AGMO: variants seen among roughly 807,000 people sequenced by gnomAD.
The protein encoded by AGMO is glyceryl-ether monooxygenase.
A neutral mutation model predicts 60.2 loss-of-function variants in AGMO; 75 were observed. The ratio of observed to expected loss-of-function variants is 1.25; its 90% confidence interval spans 1.03 to 1.51. The LOEUF is 1.51. Among genes scored for constraint, AGMO ranks in the 40% most tolerant of loss-of-function variants. The probability of loss-of-function intolerance (pLI) is 0.00; values close to 1 mark genes in which losing one functional copy is unlikely to be tolerated. For missense variants in AGMO, 763 were observed against 525.5 expected, an observed-to-expected ratio of 1.45 and a Z score of -4.42; for synonymous variants, 261 against 177.1, an observed-to-expected ratio of 1.47 and a Z score of -3.76.
At chr7:15,460,106 C>CTTTTTTTTTTTTTTTTTTTTTTT (rs67388173) in intron 3 of AGMO, among the ~76,000 whole-genome samples, 1 of 121,704 alleles carries the variant, frequency 8.2e-6, no homozygotes. Context: ...CCAATTTCCC[C>CTTTTTTTTTTTTTTTTTTTTTTT]TTTTTTTTTT....
the AGMO span, among the ~76,000 whole-genome samples, chr7:15,126,587 G>A: frequency 1.3e-5 from 2 of 152,078 alleles, no homozygotes; most frequent in Non-Finnish European, 2.9e-5. Context: ...GGTCTGGGGA[G>A]TCATGCCCTA....
chr7:15,322,481 TATATAAATATATATAA>T (rs1781145264), intron 12 of AGMO, among the ~76,000 whole-genome samples: 1 of 94,756 alleles, frequency 1.1e-5, no homozygotes, highest in East Asian at 2.7e-4. Context: ...TATAAATATA[TATATAAATATATATAA>T]ATATATAAAT....
At chr7:15,194,485 T>TC in the AGMO span, among the ~76,000 whole-genome samples, 1 of 152,046 alleles carries the variant, frequency 6.6e-6, no homozygotes, top group African/African-American at 2.4e-5. Context: ...GTGTTAGATC[T>TC]CCCCTTTGAG....
At chr7:15,235,840 CA>C (rs1563048278) in intron 12 of AGMO, among the ~76,000 whole-genome samples, 1 of 152,112 alleles carries the variant, frequency 6.6e-6, no homozygotes, top group East Asian at 1.9e-4. Context: ...CAAATGTAAG[CA>C]AGCTAATGTT....
In AGMO at chr7:15,345,295, A is replaced by T. The variant is rs189785312; in HGVS notation, c.1263+20219T>A. On this transcript the variant is annotated intron_variant, in intron 12 of 12. Transcript: ENST00000342526. Reference sequence around the variant, plus strand: ...CCATTTTATGGAACACTCCAGCCATAAGGAACGATTTTCAGTTCCCCAACA... The same window carrying T: ...CCATTTTATGGAACACTCCAGCCATTAGGAACGATTTTCAGTTCCCCAACA... Among the ~76,000 whole-genome samples the T allele has an allele frequency of 3.3e-5, 5 of 152,284 alleles. No homozygotes were observed. The East Asian group carries it at 7.7e-4, about 24-fold the overall frequency.
At chr7:15,265,881 T>A (rs1282390928) in intron 12 of AGMO, among the ~76,000 whole-genome samples, 3 of 152,132 alleles carry the variant, frequency 2.0e-5, no homozygotes, top group African/African-American at 7.2e-5. Flanking sequence ...GGAGTCAGTG[T>A]ATGTTCACCA....
At chr7:15,391,269 G>A (rs955055958) in intron 6 of AGMO, among the ~76,000 whole-genome samples, 6 of 151,986 alleles carry the variant, frequency 3.9e-5, no homozygotes, top group Non-Finnish European at 8.8e-5. Context: ...AGAAAACGAT[G>A]TATATAAATG....
At chr7:15,135,116 A>C in the AGMO span, among the ~76,000 whole-genome samples, 1 of 151,432 alleles carries the variant, frequency 6.6e-6, no homozygotes, top group Admixed American at 6.6e-5. Flanking sequence ...ATATGCATAT[A>C]AGTGGAGAAC....
intron 3 of AGMO, among the ~76,000 whole-genome samples, chr7:15,469,182 T>C (rs377572333): frequency 6.6e-6 from 1 of 152,100 alleles, no homozygotes; most frequent in Non-Finnish European, 1.5e-5. Context: ...ACATGTGCTT[T>C]AGAATTGCTC....
chr7:15,545,036 CTT>C (rs1784739043), intron 2 of AGMO, 113 bp from the exon 3 acceptor site: 1 of 717,342 alleles, frequency 1.4e-6, no homozygotes. Flanking sequence ...AAATGAAACT[CTT>C]TCTTCTACTT....
chr7:15,342,611 A>G (rs1198161245), intron 12 of AGMO, among the ~76,000 whole-genome samples: 1 of 151,878 alleles, frequency 6.6e-6, no homozygotes, highest in Non-Finnish European at 1.5e-5. Flanking sequence ...CAGAATGGAA[A>G]TATCTTGACT....
intron 3 of AGMO, among the ~76,000 whole-genome samples, chr7:15,457,535 G>T (rs1305754985): frequency 6.6e-6 from 1 of 152,106 alleles, no homozygotes; most frequent in Non-Finnish European, 1.5e-5. Context: ...ATCATGTATT[G>T]CAATTATGAT....
At chr7:15,483,284 T>C (rs1303379293) in intron 3 of AGMO, among the ~76,000 whole-genome samples, 2 of 152,170 alleles carry the variant, frequency 1.3e-5, no homozygotes, top group South Asian at 2.1e-4. Context: ...CAATATTTAA[T>C]GATATAAAAA....
chr7:15,506,835 C>T (rs1281657905), intron 3 of AGMO, among the ~76,000 whole-genome samples: 1 of 151,578 alleles, frequency 6.6e-6, no homozygotes, highest in African/African-American at 2.4e-5. Context: ...CAGAGAGTCC[C>T]TAAAAACAAC....
rs200957391 is a variant in AGMO at position 15,340,259 on chromosome 7, CAT to C, written c.1263+25253_1263+25254del. On this transcript the variant is annotated intron_variant, in intron 12 of 12. Transcript: ENST00000342526. ...CCTGCAGTTTGACTGTGACCCATCA[CAT>C]GTCACATGAGGCCAGGTGTGGAATT... 8.0e-3 allele frequency among the ~76,000 whole-genome samples: 1,212 copies of C among 152,240 alleles called. 11 individuals carry two copies. Among genetic ancestry groups the C allele is most frequent in the African/African-American group, 0.023 (951 of 41,508 alleles).
chr7:15,264,733 A>G lies in AGMO; in HGVS notation c.1264-63374T>C, dbSNP rs189388167. Among the ~76,000 whole-genome samples, 331 of 152,270 alleles carry G rather than the reference A, an allele frequency of 2.2e-3. 1 individual carries two copies. Among genetic ancestry groups the G allele is most frequent in the African/African-American group, 7.5e-3 (313 of 41,556 alleles). On this transcript the variant is annotated intron_variant, in intron 12 of 12. Coordinates refer to ENST00000342526, the MANE Select transcript of AGMO (RefSeq NM_001004320.2). ...ATGCAAATCAAAGCCACAGTGAAAT[A>G]CCATCTCATACCATTCAGAATGGTG...
At chr7:15,531,242 A>C (rs1247056574) in intron 3 of AGMO, among the ~76,000 whole-genome samples, 1 of 93,376 alleles carries the variant, frequency 1.1e-5, no homozygotes, top group African/African-American at 4.4e-5. Context: ...TATATATTCT[A>C]TATATTCTAT....
intron 12 of AGMO, among the ~76,000 whole-genome samples, chr7:15,354,504 A>ACGCGTGTG (rs1451727408): frequency 2.8e-5 from 1 of 35,586 alleles, no homozygotes; most frequent in Non-Finnish European, 4.7e-5. Flanking sequence ...GTGTATATAT[A>ACGCGTGTG]TATATATATA....
At chr7:15,364,910 CTATT>C (rs1257975707) in intron 12 of AGMO, among the ~76,000 whole-genome samples, 2 of 152,018 alleles carry the variant, frequency 1.3e-5, no homozygotes, top group Non-Finnish European at 2.9e-5. Context: ...AATACACTCT[CTATT>C]AATGCACTAG....
Sources: gnomAD v4.1 joint callset for allele counts (sites outside exome capture counted in the v4.1 genomes callset) on GRCh38, gnomAD v4.1.1 for gene constraint, MANE v1.5 for transcripts, NCBI Gene and HGNC (gene_info 2026-07-23, HGNC 2026-07-21) for gene names.